Variants in SPANXN2 observed in about 807,000 individuals in gnomAD.
The protein encoded by SPANXN2 is SPANX family member N2.
Under a neutral mutation model 2.0 loss-of-function variants are expected in SPANXN2, and 1 was observed. The ratio of observed to expected loss-of-function variants is 0.50; its 90% CI spans 0.18 to 2.36. The LOEUF (loss-of-function observed/expected upper bound fraction) is 2.36. Among genes scored for constraint, SPANXN2 ranks in the 30% most tolerant of loss-of-function variants. The pLI is 0.26. For missense variants in SPANXN2, 88 were observed against 116.7 expected (o/e 0.75, Z 1.13); for synonymous variants, 43 against 49.8 (o/e 0.86, Z 0.58).
At chrX:143,716,618 C>T (rs781804024) in intron 1 of SPANXN2, among the ~76,000 whole-genome samples, 7 of 112,253 alleles carry the variant, frequency 6.2e-5, no homozygotes, top group African/African-American at 2.3e-4. Context: ...GACTACTCTG[C>T]CAAACATATG....
At chrX:143,718,208 G>A (rs191676531) in intron 1 of SPANXN2, among the ~76,000 whole-genome samples, 2 of 111,481 alleles carry the variant, frequency 1.8e-5, no homozygotes, top group African/African-American at 3.3e-5. Flanking sequence ...TCCTAAAAGC[G>A]CTCAGCCTAA....
At chrX:143,719,214 C>A (rs1257904463) in intron 1 of SPANXN2, among the ~76,000 whole-genome samples, 1 of 110,935 alleles carries the variant, frequency 9.0e-6, no homozygotes, top group Non-Finnish European at 1.9e-5. Flanking sequence ...TGTTACCAGT[C>A]GGATTCCAGA....
intron 1 of SPANXN2, among the ~76,000 whole-genome samples, chrX:143,716,686 G>A (rs1461057447): frequency 1.8e-5 from 2 of 111,755 alleles, no homozygotes; most frequent in Admixed American, 9.5e-5. Flanking sequence ...GTCATCCGAG[G>A]CTGGTCACTC....
At chrX:143,718,424 T>C (rs1932306460) in intron 1 of SPANXN2, among the ~76,000 whole-genome samples, 1 of 111,567 alleles carries the variant, frequency 9.0e-6, no homozygotes, top group African/African-American at 3.3e-5. Context: ...TGGGTCTGAA[T>C]CACAGACTCC....
At chrX:143,714,522 C>G (rs1556449145) in intron 1 of SPANXN2, among the ~76,000 whole-genome samples, 1 of 111,758 alleles carries the variant, frequency 8.9e-6, no homozygotes, top group Non-Finnish European at 1.9e-5. Flanking sequence ...GTCCCCAGAA[C>G]TGGCCCCAGT....
intron 1 of SPANXN2, among the ~76,000 whole-genome samples, chrX:143,714,264 C>T (rs1556449105): frequency 9.0e-6 from 1 of 111,585 alleles, no homozygotes; most frequent in African/African-American, 3.3e-5. Flanking sequence ...ATTCAAGTTC[C>T]CTTCTCTCTA....
chrX:143,714,500 G>A (rs2124003940), intron 1 of SPANXN2, among the ~76,000 whole-genome samples: 1 of 111,634 alleles, frequency 9.0e-6, no homozygotes. Context: ...TAATCCAATA[G>A]GGACCCTAGC....
chrX:143,717,659 C>T (rs1932291507), intron 1 of SPANXN2, among the ~76,000 whole-genome samples: 1 of 112,079 alleles, frequency 8.9e-6, no homozygotes, highest in African/African-American at 3.3e-5. Flanking sequence ...GCCCCTACTC[C>T]AGCTTTTAAA....
rs781895111 is a variant in SPANXN2, at chrX:143,719,032, C to A, written c.78+1559G>T. Among the ~76,000 whole-genome samples, 13 of 111,423 alleles carry A rather than the reference C, an allele frequency of 1.2e-4. No individual in the cohort carries two copies. The South Asian group carries it at 5.0e-3, about 42-fold the overall frequency. ...CTTCCTGTTAACCTGGCCACATGAACCCTGTCCAAAATAAACCTGCATTTC... is the reference window on the plus strand; with the variant it reads ...CTTCCTGTTAACCTGGCCACATGAAACCTGTCCAAAATAAACCTGCATTTC... On this transcript the variant is annotated intron_variant, in intron 1 of 1. Coordinates refer to ENST00000598475, the Ensembl canonical transcript of SPANXN2.
intron 1 of SPANXN2, among the ~76,000 whole-genome samples, chrX:143,718,788 A>G (rs73568125): frequency 0.039 from 4,343 of 111,199 alleles, 238 homozygotes; most frequent in African/African-American, 0.14. Flanking sequence ...CTAATCAAGG[A>G]GATATGACTT....
At chrX:143,715,131 A>G (rs1556449342) in intron 1 of SPANXN2, among the ~76,000 whole-genome samples, 1 of 111,119 alleles carries the variant, frequency 9.0e-6, no homozygotes, top group Non-Finnish European at 1.9e-5. Flanking sequence ...CCTGGAGTCC[A>G]CCGCCCCTAC....
chrX:143,713,279 A>G (rs1353006096), intron 1 of SPANXN2, among the ~76,000 whole-genome samples: 5 of 111,215 alleles, frequency 4.5e-5, no homozygotes, highest in African/African-American at 1.6e-4. Context: ...CATTCTCCTT[A>G]TTCTCTAGTC....
At chrX:143,718,632 A>G (rs1430594692) in intron 1 of SPANXN2, among the ~76,000 whole-genome samples, 1 of 112,054 alleles carries the variant, frequency 8.9e-6, no homozygotes, top group East Asian at 2.8e-4. Context: ...GTACTTAACA[A>G]GAATTCCAGA....
chrX:143,713,759 C>G (rs1932208150), intron 1 of SPANXN2, among the ~76,000 whole-genome samples: 1 of 111,485 alleles, frequency 9.0e-6, no homozygotes, highest in Non-Finnish European at 1.9e-5. Flanking sequence ...GGTAGTCACT[C>G]CCATCCAGAG....
Position 143,720,743 on chromosome X carries a change from C to T in SPANXN2, c.-75G>A, listed in dbSNP as rs1932354498. On this transcript the variant is annotated 5_prime_UTR_variant, in exon 1 of 2. Transcript: ENST00000598475. ...ACTTCCACAGCTATATTGAAGCTTG[C>T]CAGGAGGATGTCCCAGAGCTCTGGC... is the stretch of plus-strand genomic sequence containing the variant. The T allele has an allele frequency of 1.2e-5, 13 of 1,112,874 alleles. No individual in the cohort carries two copies. The South Asian group carries it at 1.9e-4, about 16-fold the overall frequency. The allele number at this position is 1,112,874 out of a possible 1,213,427, so 91.7% of individuals were successfully genotyped here.
chrX:143,717,815 A>G (rs782439193), intron 1 of SPANXN2, among the ~76,000 whole-genome samples: 1 of 111,977 alleles, frequency 8.9e-6, no homozygotes, highest in Admixed American at 9.5e-5. Flanking sequence ...CTAGGGCAGG[A>G]CTAGCAAATC....
exon 2 of SPANXN2, chrX:143,712,280 C>T (rs201039433): frequency 5.4e-5 from 65 of 1,209,846 alleles, no homozygotes; most frequent in Middle Eastern, 4.6e-4. Flanking sequence ...TCCAGGTCTT[C>T]GTCCTCCTGT....
chrX:143,718,379 C>T (rs1183840292), intron 1 of SPANXN2, among the ~76,000 whole-genome samples: 6 of 111,227 alleles, frequency 5.4e-5, no homozygotes, highest in Non-Finnish European at 1.1e-4. Context: ...AGTCCATCCT[C>T]AAAACACTCC....
intron 1 of SPANXN2, 57 bp from the exon 2 acceptor site, chrX:143,712,556 G>A: frequency 9.3e-7 from 1 of 1,080,135 alleles, no homozygotes; most frequent in Admixed American, 2.5e-5. Context: ...ATAGGGTAGA[G>A]ACTGGATAGC....
Sources: gnomAD v4.1 joint callset for allele counts (sites outside exome capture counted in the v4.1 genomes callset) on GRCh38, gnomAD v4.1.1 for gene constraint, MANE v1.5 for transcripts, NCBI Gene and HGNC (gene_info 2026-07-23, HGNC 2026-07-21) for gene names.